The following ALG13 variants were observed in gnomAD, a reference collection of about 807,000 sequenced individuals.
ALG13 encodes ALG13 UDP-N-acetylglucosaminyltransferase subunit.
In ALG13, 11 loss-of-function variants were observed where a neutral mutation model predicts 87.8. The ratio of observed to expected loss-of-function variants is 0.13; its 90% confidence interval spans 0.08 to 0.21. The LOEUF (loss-of-function observed/expected upper bound fraction) is 0.21. ALG13 is among the 10% of genes least tolerant of loss of function. The pLI, the probability that ALG13 is intolerant of heterozygous loss-of-function variation, is 1.00. For synonymous variants in ALG13, 320 were observed against 306.3 expected (o/e 1.04, Z -0.47); for missense variants, 756 against 866.1 (o/e 0.87, Z 1.60).
At chrX:111,741,149 T>C (rs1382941324) in intron 23 of ALG13, among the ~76,000 whole-genome samples, 1 of 111,940 alleles carries the variant, frequency 8.9e-6, no homozygotes, top group African/African-American at 3.2e-5. Flanking sequence ...AAATAAAGAA[T>C]AACATGTTGG....
chrX:111,747,761 A>G (rs191155043), intron 24 of ALG13, among the ~76,000 whole-genome samples: 3 of 112,358 alleles, frequency 2.7e-5, no homozygotes, highest in African/African-American at 6.5e-5. Context: ...CTGGGACTAC[A>G]GGTGTCAGCC....
At position 111,681,757 on chromosome X, in the gene ALG13, G is replaced by T. The variant is rs765306736; in HGVS notation, c.82-375G>T. 98 of 823,404 alleles carry T rather than the reference G, an allele frequency of 1.2e-4. 1 individual carries two copies. In the East Asian group the frequency reaches 8.1e-3, roughly 68 times the overall value. 67.9% of individuals were successfully genotyped at this position (823,404 alleles called of 1,213,427 possible). On this transcript the variant is annotated intron_variant, in intron 1 of 26. Coordinates refer to ENST00000394780, the MANE Select transcript of ALG13 (RefSeq NM_001099922.3). ...GGCTCCTTCCCCTCAGCACTTGGCC[G>T]GAGCCCGCGCGGTTCCTCTCCTCAG...
At position 111,757,670 on chromosome X, in the gene ALG13, A is replaced by G; in HGVS notation, c.3056A>G (p.Tyr1019Cys). 2.5e-6 allele frequency: 3 copies of G among 1,208,764 alleles called. No homozygotes were observed. Among genetic ancestry groups the G allele is most frequent in the Non-Finnish European group, 1.1e-6 (1 of 893,176 alleles). The part of the protein sequence containing the change: ...QQLHVENYPV[Y>C]TEPPLVDQTV... Reference sequence around the variant, plus strand: ...CTTCATGTAGAGAATTATCCAGTCTATACTGAGCCACCTCTGGTAGATCAA... The same window carrying G: ...CTTCATGTAGAGAATTATCCAGTCTGTACTGAGCCACCTCTGGTAGATCAA... The change falls in exon 26 of 27, where the codon TAT (tyrosine) becomes TGT (cysteine). Residue 1019 changes from tyrosine to cysteine, a missense_variant. Physicochemically the swap from Tyr to Cys is radical, Grantham distance 194. Coordinates refer to ENST00000394780, the MANE Select transcript of ALG13 (RefSeq NM_001099922.3).
chrX:111,709,446 C>G (rs1939346604), intron 5 of ALG13, among the ~76,000 whole-genome samples: 1 of 111,975 alleles, frequency 8.9e-6, no homozygotes, highest in Admixed American at 9.4e-5. Flanking sequence ...TGGGAACCCC[C>G]TCTATTTTCT....
intron 25 of ALG13, among the ~76,000 whole-genome samples, chrX:111,756,995 C>T: frequency 8.9e-6 from 1 of 111,863 alleles, no homozygotes; most frequent in South Asian, 3.7e-4. Flanking sequence ...CCAGGAGATG[C>T]TGAATAGATA....
At chrX:111,708,903 G>A in intron 4 of ALG13, 62 bp from the exon 5 acceptor site, 2 of 754,339 alleles carry the variant, frequency 2.7e-6, no homozygotes, top group Non-Finnish European at 3.9e-6. Context: ...TCATAGTCTT[G>A]ATTTAGAAGT....
intron 7 of ALG13, 23 bp downstream of exon 7, chrX:111,712,553 T>C: frequency 9.6e-7 from 1 of 1,043,707 alleles, no homozygotes. Context: ...CTCTTTTCTT[T>C]GAGAGTGGGT....
chrX:111,743,820 T>C (rs2148396115), intron 23 of ALG13: 1 of 111,204 alleles, frequency 9.0e-6, no homozygotes, highest in Non-Finnish European at 1.9e-5. Context: ...ATAATGCAGA[T>C]AACAAAATGA....
chrX:111,736,762 C>A lies in ALG13; in HGVS notation c.2578C>A (p.Pro860Thr). The A allele has an allele frequency of 8.3e-7, 1 of 1,210,467 alleles. No homozygotes were observed. The highest frequency in any genetic ancestry group is 1.1e-6 in the Non-Finnish European group (1 of 894,735). The change falls in exon 23 of 27, where the codon CCA (proline) becomes ACA (threonine). Residue 860 changes from proline to threonine, a missense_variant. Pro to Thr is a conservative substitution (Grantham distance 38). Coordinates refer to ENST00000394780, the MANE Select transcript of ALG13 (RefSeq NM_001099922.3). The stretch of plus-strand genomic sequence containing the variant: ...TGCAGCTTCCTGTGCCAATAATGTT[C>A]CAGCTCCAGTCTTATCTAACGGTGC... ...AVAASCANNV[P>T]APVLSNGAAA...
rs774809791 is a variant in ALG13, at chrX:111,736,811, C to G, written c.2627C>G (p.Thr876Ser). Residue 876 changes from threonine (T) to serine (S), a missense_variant, in exon 23 of 27, where the codon ACC becomes AGC. Physicochemically the swap from Thr to Ser is moderately conservative, Grantham distance 58. Coordinates refer to ENST00000394780, the MANE Select transcript of ALG13 (RefSeq NM_001099922.3). ...GCAGCGGCTAATCAAGCTATTAGTA[C>G]CACTTCAGTTTCCTCACAGAATGCT... ...NGAAANQAIS[T>S]TSVSSQNAIQ... The G allele has an allele frequency of 7.4e-6, 9 of 1,210,232 alleles. No homozygotes were observed. The South Asian group carries it at 1.6e-4, about 21-fold the overall frequency.
intron 8 of ALG13, among the ~76,000 whole-genome samples, chrX:111,714,942 G>A (rs939886324): frequency 9.0e-6 from 1 of 111,570 alleles, no homozygotes; most frequent in Non-Finnish European, 1.9e-5. Flanking sequence ...GATGAAATTT[G>A]GATCTTTACC....
At chrX:111,713,101 G>T in intron 7 of ALG13, 124 bp from the exon 8 acceptor site, 1 of 446,133 alleles carries the variant, frequency 2.2e-6, no homozygotes, top group South Asian at 4.1e-5. Flanking sequence ...ACATTAAACC[G>T]GATATTTATA....
intron 23 of ALG13, among the ~76,000 whole-genome samples, chrX:111,742,414 C>T (rs1943830639): frequency 9.3e-6 from 1 of 107,841 alleles, no homozygotes; most frequent in African/African-American, 3.4e-5. Context: ...AGTGACTGTC[C>T]CTGAGTGCAA....
intron 23 of ALG13, among the ~76,000 whole-genome samples, chrX:111,742,511 TA>T (rs758323929): frequency 9.0e-6 from 1 of 111,093 alleles, no homozygotes; most frequent in Admixed American, 9.5e-5. Context: ...AAGATTAATA[TA>T]AAAAATTTGA....
chrX:111,712,682 A>G (rs994193262), intron 7 of ALG13, among the ~76,000 whole-genome samples, 152 bp downstream of exon 7: 1 of 111,834 alleles, frequency 8.9e-6, no homozygotes, highest in Non-Finnish European at 1.9e-5. Context: ...AATATTTTAA[A>G]TGGTTGAAAA....
At chrX:111,700,679 C>T (rs1937677076) in intron 3 of ALG13, among the ~76,000 whole-genome samples, 1 of 105,881 alleles carries the variant, frequency 9.4e-6, no homozygotes, top group Non-Finnish European at 1.9e-5. Flanking sequence ...CAGGTTCAAA[C>T]GATTCACCTG....
intron 15 of ALG13, among the ~76,000 whole-genome samples, chrX:111,726,494 A>C (rs1325562345): frequency 9.4e-6 from 1 of 106,876 alleles, no homozygotes; most frequent in Non-Finnish European, 1.9e-5. Flanking sequence ...GGCCTTCCAA[A>C]GTGCTGGGAT....
chrX:111,691,716 T>C (rs1468072160), intron 3 of ALG13, among the ~76,000 whole-genome samples: 1 of 111,689 alleles, frequency 9.0e-6, no homozygotes, highest in Admixed American at 9.5e-5. Context: ...AAATTTAGAT[T>C]GTATGTTAGC....
In ALG13 at chrX:111,719,305, G is replaced by A. The variant is rs1195117184; in HGVS notation, c.1251-790G>A. Among the ~76,000 whole-genome samples, 3 of 111,283 alleles carry A rather than the reference G, an allele frequency of 2.7e-5. No homozygotes were observed. The Admixed American group carries it at 2.9e-4, about 11-fold the overall frequency. On this transcript the variant is annotated intron_variant, in intron 10 of 26. Transcript: ENST00000394780. ...CTCCCAAAGTGCTGGGATTACAGAC[G>A]TGAGCCACCACACCCGGCAGAAGAG...
Sources: allele counts gnomAD v4.1 joint callset (sites outside exome capture counted in the v4.1 genomes callset), GRCh38; gene constraint gnomAD v4.1.1; transcripts MANE v1.5; gene names NCBI Gene and HGNC (gene_info 2026-07-23, HGNC 2026-07-21).